PACRG: variants seen among roughly 807,000 people sequenced by gnomAD.
PACRG encodes parkin coregulated gene protein.
Under a neutral mutation model 29.7 loss-of-function variants are expected in PACRG, and 29 were observed. The ratio of observed to expected loss-of-function variants is 0.98; its 90% CI spans 0.73 to 1.33. The LOEUF (loss-of-function observed/expected upper bound fraction) is 1.33. Ranked by LOEUF, PACRG falls within the 40% of genes most tolerant of loss-of-function variation. The probability of loss-of-function intolerance (pLI) is 0.00; values close to 1 mark genes in which losing one functional copy is unlikely to be tolerated. For synonymous variants in PACRG, 116 were observed against 118.7 expected, an observed-to-expected ratio of 0.98 and a Z score of 0.15; for missense variants, 279 against 316.2, an observed-to-expected ratio of 0.88 and a Z score of 0.89.
intron 4 of PACRG, among the ~76,000 whole-genome samples, chr6:163,185,683 G>A (rs1779885351): frequency 1.3e-5 from 2 of 152,136 alleles, no homozygotes; most frequent in Admixed American, 6.5e-5. Flanking sequence ...AAATGCAAGC[G>A]ACCACCTTAG....
chr6:162,788,668 C>G (rs555333110), intron 1 of PACRG, among the ~76,000 whole-genome samples: 1 of 152,140 alleles, frequency 6.6e-6, no homozygotes, highest in African/African-American at 2.4e-5. Flanking sequence ...TCTTCTCCAG[C>G]ATTTGTGGTT....
At chr6:163,234,641 C>T (rs1782165467) in intron 4 of PACRG, among the ~76,000 whole-genome samples, 2 of 152,124 alleles carry the variant, frequency 1.3e-5, no homozygotes, top group South Asian at 4.1e-4. Flanking sequence ...GGAGACCAAG[C>T]AGATGTAGCC....
chr6:163,113,668 T>G (rs1275654854), intron 4 of PACRG, among the ~76,000 whole-genome samples: 1 of 151,922 alleles, frequency 6.6e-6, no homozygotes, highest in Non-Finnish European at 1.5e-5. Context: ...AAACTGTATA[T>G]CAAAAGCAAA....
rs745697173 is a variant in PACRG, at chr6:163,062,306, A to G, written c.448A>G (p.Ile150Val). The G allele has an allele frequency of 5.6e-6, 9 of 1,610,350 alleles. No homozygotes were observed. The Admixed American group carries it at 1.4e-4, about 24-fold the overall frequency. ...NKILPVLPQLIIPIKNALNLR... is the reference protein window; with the variant it reads ...NKILPVLPQLVIPIKNALNLR... ...GATCCTACCTGTCCTTCCACAGCTC[A>G]TTATCCCGATAAAAAGTAAGTGAAC... The change falls in exon 3 of 5, where the codon ATT (isoleucine) becomes GTT (valine). Residue 150 changes from isoleucine to valine, a missense_variant. Ile to Val is a conservative substitution (Grantham distance 29, BLOSUM62 3). Transcript: ENST00000366888.
intron 2 of PACRG, among the ~76,000 whole-genome samples, chr6:162,897,742 C>T (rs1016423414): frequency 6.6e-6 from 1 of 152,204 alleles, no homozygotes; most frequent in African/African-American, 2.4e-5. Context: ...TCACGCTGAG[C>T]ACCAGTGCTG....
chr6:162,942,993 G>A (rs1442100668), intron 2 of PACRG, among the ~76,000 whole-genome samples: 1 of 152,216 alleles, frequency 6.6e-6, no homozygotes, highest in African/African-American at 2.4e-5. Context: ...TTGGCCAGGA[G>A]CCCAGAGAGG....
At chr6:163,081,620 G>A (rs907558214) in intron 3 of PACRG, among the ~76,000 whole-genome samples, 8 of 152,148 alleles carry the variant, frequency 5.3e-5, no homozygotes, top group African/African-American at 1.9e-4. Context: ...GCCAGCCATG[G>A]TGGTGTGTGC....
At chr6:163,291,718 A>AAAT (rs1340888759) in intron 4 of PACRG, among the ~76,000 whole-genome samples, 1 of 152,242 alleles carries the variant, frequency 6.6e-6, no homozygotes, top group Non-Finnish European at 1.5e-5. Flanking sequence ...AAAGAAAGAC[A>AAAT]AATGTCTTCC....
intron 1 of PACRG, among the ~76,000 whole-genome samples, chr6:162,801,392 A>G (rs6937111): frequency 0.33 from 49,545 of 151,720 alleles, 9,033 homozygotes; most frequent in African/African-American, 0.47. Flanking sequence ...TATAGGCGTA[A>G]GCCACCATGC....
chr6:163,006,484 A>G (rs1805127271), intron 2 of PACRG, among the ~76,000 whole-genome samples: 2 of 151,622 alleles, frequency 1.3e-5, no homozygotes, highest in South Asian at 2.1e-4. Flanking sequence ...CAATTTTTCT[A>G]TATGTTTACT....
Position 162,822,881 on chromosome 6 carries a change from A to G in PACRG, c.291+8600A>G, listed in dbSNP as rs186411615. Among the ~76,000 whole-genome samples, 328 of 152,178 alleles carry G rather than the reference A, an allele frequency of 2.2e-3. 2 individuals carry two copies. Among genetic ancestry groups the G allele is most frequent in the African/African-American group, 7.6e-3 (317 of 41,556 alleles). The stretch of plus-strand genomic sequence containing the variant: ...ATGTTAGGTATATTATAACACATGT[A>G]TTATAACATGTATTATAACATATAT... On this transcript the variant is annotated intron_variant, in intron 2 of 4. Coordinates refer to ENST00000366888, the MANE Select transcript of PACRG (RefSeq NM_001080379.2).
At chr6:163,028,789 C>A (rs565810985) in intron 2 of PACRG, among the ~76,000 whole-genome samples, 1 of 152,286 alleles carries the variant, frequency 6.6e-6, no homozygotes, top group Non-Finnish European at 1.5e-5. Flanking sequence ...TTTTGTCACT[C>A]TAATTCCAAG....
intron 4 of PACRG, among the ~76,000 whole-genome samples, chr6:163,134,421 G>T (rs892653206): frequency 4.6e-5 from 7 of 152,146 alleles, no homozygotes; most frequent in South Asian, 2.1e-4. Flanking sequence ...GCGTTGAAGA[G>T]ACTTAAGCCA....
At chr6:162,818,610 T>C (rs1398648519) in intron 2 of PACRG, among the ~76,000 whole-genome samples, 2 of 152,188 alleles carry the variant, frequency 1.3e-5, no homozygotes, top group African/African-American at 4.8e-5. Context: ...TTTTTAGAAA[T>C]AACTATATCA....
intron 4 of PACRG, chr6:163,100,811 A>G (rs1815039501): frequency 1.0e-6 from 1 of 985,036 alleles, no homozygotes; most frequent in South Asian, 4.7e-5. Context: ...ATAAATGTGG[A>G]GTTGAAAAAT....
At chr6:163,180,717 C>A (rs2011621259) in intron 4 of PACRG, among the ~76,000 whole-genome samples, 2 of 152,140 alleles carry the variant, frequency 1.3e-5, no homozygotes, top group African/African-American at 4.8e-5. Context: ...CTCTTATGAG[C>A]CACTTATTTG....
At chr6:163,224,723 A>G (rs984123563) in intron 4 of PACRG, among the ~76,000 whole-genome samples, 16 of 152,236 alleles carry the variant, frequency 1.1e-4, no homozygotes, top group African/African-American at 3.1e-4. Flanking sequence ...TTGGAACTGT[A>G]AAACTGCTAG....
chr6:163,213,653 A>G, intron 4 of PACRG, among the ~76,000 whole-genome samples: 1 of 151,714 alleles, frequency 6.6e-6, no homozygotes. Flanking sequence ...TCCTTTACCC[A>G]TTTTTCTATT....
chr6:163,180,384 C>T (rs1779597552), intron 4 of PACRG, among the ~76,000 whole-genome samples: 1 of 152,194 alleles, frequency 6.6e-6, no homozygotes, highest in African/African-American at 2.4e-5. Context: ...AGCTTGTATA[C>T]TGTGCACTGA....
Sources: allele counts gnomAD v4.1 joint callset (sites outside exome capture counted in the v4.1 genomes callset), GRCh38; gene constraint gnomAD v4.1.1; transcripts MANE v1.5; gene names NCBI Gene and HGNC (gene_info 2026-07-23, HGNC 2026-07-21).